NADK2: variants seen among roughly 807,000 people sequenced by gnomAD.
NADK2 encodes the protein NAD kinase 2, mitochondrial.
In NADK2, 35 loss-of-function variants were observed where a neutral mutation model predicts 62.1. The observed-to-expected ratio is 0.56, with a 90% CI of 0.43 to 0.75. The LOEUF (loss-of-function observed/expected upper bound fraction) is 0.75, where lower values mean the gene tolerates loss of function less well. Among genes scored for constraint, NADK2 ranks in the 30% least tolerant of loss-of-function variants. The probability of loss-of-function intolerance (pLI) is 0.00; values close to 1 mark genes in which losing one functional copy is unlikely to be tolerated. For synonymous variants in NADK2, 205 were observed against 207.9 expected (o/e 0.99, Z 0.12); for missense variants, 439 against 561.3 (o/e 0.78, Z 2.20).
At chr5:36,197,380 C>A (rs534784009) in intron 11 of NADK2, among the ~76,000 whole-genome samples, 161 bp downstream of exon 11, 1 of 151,882 alleles carries the variant, frequency 6.6e-6, no homozygotes, top group South Asian at 2.1e-4. Context: ...TGATTTTAGC[C>A]GGGTTAGCAT....
chr5:36,240,411 G>T (rs1579646961), intron 1 of NADK2, among the ~76,000 whole-genome samples: 1 of 152,172 alleles, frequency 6.6e-6, no homozygotes, highest in East Asian at 1.9e-4. Flanking sequence ...AAATAACTTC[G>T]CTAAGATCAC....
chr5:36,218,173 G>A (rs969591100), intron 5 of NADK2: 3 of 243,904 alleles, frequency 1.2e-5, no homozygotes, highest in Admixed American at 4.8e-5. Flanking sequence ...CCAAGATACT[G>A]AGCTAGATAT....
At chr5:36,208,261 C>A (rs769164676) in intron 7 of NADK2, among the ~76,000 whole-genome samples, 1 of 152,070 alleles carries the variant, frequency 6.6e-6, no homozygotes, top group Admixed American at 6.6e-5. Flanking sequence ...GTCAGAATTT[C>A]TTATTAAAAA....
chr5:36,227,369 T>G, intron 2 of NADK2, 108 bp downstream of exon 2: 1 of 455,850 alleles, frequency 2.2e-6, no homozygotes, highest in Non-Finnish European at 3.7e-6. Flanking sequence ...AAAATGATTT[T>G]ATAATAACAA....
chr5:36,240,798 C>T (rs1393747139), intron 1 of NADK2, among the ~76,000 whole-genome samples: 1 of 152,162 alleles, frequency 6.6e-6, no homozygotes, highest in African/African-American at 2.4e-5. Context: ...ACCCAGTATA[C>T]CAGCCCCTTG....
chr5:36,218,453 A>G (rs1747132192), intron 5 of NADK2, among the ~76,000 whole-genome samples: 1 of 152,250 alleles, frequency 6.6e-6, no homozygotes, highest in South Asian at 2.1e-4. Context: ...ATGTATCGAA[A>G]GTCAATGGGA....
chr5:36,234,589 T>C (rs958839134), intron 1 of NADK2, among the ~76,000 whole-genome samples: 3 of 152,092 alleles, frequency 2.0e-5, no homozygotes, highest in African/African-American at 7.2e-5. Context: ...ATGAGAACAA[T>C]ACACTTAACG....
intron 5 of NADK2, 143 bp downstream of exon 5, chr5:36,219,453 C>T (rs992576411): frequency 3.9e-5 from 24 of 607,774 alleles, no homozygotes; most frequent in South Asian, 3.5e-4. Flanking sequence ...TCAAGTGATC[C>T]ACCCGCATCG....
At position 36,241,377 on chromosome 5, in the gene NADK2, G is replaced by A. The variant is rs1046611274; in HGVS notation, c.300+122C>T. The A allele has an allele frequency of 4.4e-6, 6 of 1,349,110 alleles. No individual in the cohort carries two copies. In the East Asian group the frequency reaches 1.6e-4, roughly 35 times the overall value. The allele number at this position is 1,349,110 out of a possible 1,614,324, so 83.6% of individuals were successfully genotyped here. On this transcript the variant is annotated intron_variant, in intron 1 of 11. Coordinates refer to ENST00000381937, the MANE Select transcript of NADK2 (RefSeq NM_001085411.3). This position sits in a 1 kb window ranked among gnomAD's most constrained non-coding sequence, Gnocchi z 4.9. ...AGAGGACCTGGGGGCCGCGAGAGAG[G>A]CAGGACCGGCATCTGCGGTGCCCTG...
In NADK2 at chr5:36,241,880, C is replaced by G; in HGVS notation, c.-82G>C. 9.3e-7 allele frequency: 1 copy of G among 1,077,552 alleles called. No individual in the cohort carries two copies. Among genetic ancestry groups the G allele is most frequent in the Non-Finnish European group, 1.1e-6 (1 of 882,238 alleles). 66.7% of individuals were successfully genotyped at this position (1,077,552 alleles called of 1,614,324 possible). A position where few individuals can be genotyped will look rare whatever the true frequency, so the allele number is the denominator to read the frequency against. ...CCGCCGGGAGTGCGCGCCGTCCGCG[C>G]CGCCCGGGCCTCTAACTTCGCGCCG... On this transcript the variant is annotated 5_prime_UTR_variant, in exon 1 of 12. Coordinates refer to ENST00000381937, the MANE Select transcript of NADK2 (RefSeq NM_001085411.3). The surrounding 1 kb of genome is among the most constrained non-coding windows in gnomAD (Gnocchi z 4.9).
chr5:36,234,549 T>A (rs1747833675), intron 1 of NADK2, among the ~76,000 whole-genome samples: 1 of 152,168 alleles, frequency 6.6e-6, no homozygotes, highest in African/African-American at 2.4e-5. Context: ...TTATGGATAC[T>A]GTCATATTAA....
At position 36,197,672 on chromosome 5, in the gene NADK2, G is replaced by T; in HGVS notation, c.1067-8C>A. On this transcript the variant is annotated splice_region_variant and splice_polypyrimidine_tract_variant and intron_variant, in intron 10 of 11. Transcript: ENST00000381937. ...CATTATATTCATTTGTTACTACAAA[G>T]AAAAAAAAATTAGCACACTCAATAA... The T allele has an allele frequency of 6.6e-7, 1 of 1,509,408 alleles. No individual in the cohort carries two copies. Among genetic ancestry groups the T allele is most frequent in the Non-Finnish European group, 8.8e-7 (1 of 1,132,052 alleles). The allele number at this position is 1,509,408 out of a possible 1,614,324, so 93.5% of individuals were successfully genotyped here.
At chr5:36,230,525 C>G (rs1195480484) in intron 1 of NADK2, among the ~76,000 whole-genome samples, 1 of 152,228 alleles carries the variant, frequency 6.6e-6, no homozygotes, top group Non-Finnish European at 1.5e-5. Flanking sequence ...GAACAGTGAT[C>G]TTACTTATCT....
At position 36,193,061 on chromosome 5, in the gene NADK2, T is replaced by TTTTA. The variant is rs1746075987; in HGVS notation, c.*2079_*2082dup. ...GAGCACAATAAGTATTTTTAAAACC[T>TTTTA]TTTAAAATATGGCTTATAATTTTAC... On this transcript the variant is annotated 3_prime_UTR_variant, in exon 12 of 12. Transcript: ENST00000381937. The TTTTA allele has an allele frequency of 6.6e-6, 1 of 152,212 alleles. No homozygotes were observed. The highest frequency in any genetic ancestry group is 1.5e-5 in the Non-Finnish European group (1 of 68,036). The allele number at this position is 152,212 out of a possible 1,614,324, so 9.4% of individuals were successfully genotyped here.
At chr5:36,195,711 C>T (rs1423706767) in intron 11 of NADK2, among the ~76,000 whole-genome samples, 1 of 152,092 alleles carries the variant, frequency 6.6e-6, no homozygotes, top group Non-Finnish European at 1.5e-5. Flanking sequence ...ATGTACAGTT[C>T]AGTGAACACA....
chr5:36,195,864 T>C (rs934429903), intron 11 of NADK2, among the ~76,000 whole-genome samples: 5 of 152,194 alleles, frequency 3.3e-5, no homozygotes, highest in Non-Finnish European at 5.9e-5. Context: ...AATAGCTTTG[T>C]CTGTTCTTGA....
At chr5:36,239,064 G>A (rs1020632231) in intron 1 of NADK2, among the ~76,000 whole-genome samples, 11 of 151,968 alleles carry the variant, frequency 7.2e-5, no homozygotes, top group African/African-American at 9.6e-5. Context: ...CCACCACCAC[G>A]ACAACAAAAG....
intron 4 of NADK2, among the ~76,000 whole-genome samples, chr5:36,220,536 C>T (rs369674044): frequency 6.6e-6 from 1 of 152,290 alleles, no homozygotes; most frequent in East Asian, 1.9e-4. Flanking sequence ...AGTGTTTTTA[C>T]AAAGTTGTGA....
chr5:36,202,709 T>A (rs1258893762), intron 8 of NADK2, among the ~76,000 whole-genome samples: 1 of 152,046 alleles, frequency 6.6e-6, no homozygotes, highest in African/African-American at 2.4e-5. Context: ...GAGCCTCCCA[T>A]GGGGACCCTC....
Sources: gnomAD v4.1 joint callset for allele counts (sites outside exome capture counted in the v4.1 genomes callset) on GRCh38, gnomAD v4.1.1 for gene constraint, Gnocchi (gnomAD v3.1) non-coding constraint, MANE v1.5 for transcripts, NCBI Gene and HGNC (gene_info 2026-07-23, HGNC 2026-07-21) for gene names.